MACROD2: variants seen among roughly 807,000 people sequenced by gnomAD.
The protein encoded by MACROD2 is mono-ADP ribosylhydrolase 2.
MACROD2 carries 36 observed loss-of-function variants against 70.4 expected under a neutral mutation model. That is an observed-to-expected ratio of 0.51 (90% CI 0.39 to 0.68). MACROD2 has a LOEUF of 0.68. MACROD2 is among the 30% of genes least tolerant of loss of function. The probability of loss-of-function intolerance (pLI) is 0.00; values close to 1 mark genes in which losing one functional copy is unlikely to be tolerated. For missense variants in MACROD2, 496 were observed against 538.4 expected (o/e 0.92, Z 0.78); for synonymous variants, 172 against 178.8 (o/e 0.96, Z 0.30).
At chr20:14,587,036 A>AT (rs993748823) in intron 4 of MACROD2, among the ~76,000 whole-genome samples, 6 of 151,858 alleles carry the variant, frequency 4.0e-5, no homozygotes, top group Non-Finnish European at 7.4e-5. Flanking sequence ...GAGAAACTAG[A>AT]TTTTTTATAA....
chr20:14,181,075 T>TC (rs1158465253), intron 3 of MACROD2, among the ~76,000 whole-genome samples: 1 of 151,772 alleles, frequency 6.6e-6, no homozygotes, highest in African/African-American at 2.4e-5. Context: ...TACATTTTTT[T>TC]TTTTTTTTTA....
At chr20:14,243,198 T>C (rs1804909443) in intron 3 of MACROD2, among the ~76,000 whole-genome samples, 1 of 152,226 alleles carries the variant, frequency 6.6e-6, no homozygotes, top group African/African-American at 2.4e-5. Flanking sequence ...CTGAATCTAT[T>C]GAGATAAAAT....
At chr20:14,492,015 C>A (rs1480381383) in intron 3 of MACROD2, among the ~76,000 whole-genome samples, 1 of 152,126 alleles carries the variant, frequency 6.6e-6, no homozygotes, top group African/African-American at 2.4e-5. Flanking sequence ...CATGAAATTT[C>A]TCTTTTCCAC....
intron 5 of MACROD2, among the ~76,000 whole-genome samples, chr20:14,701,686 T>A (rs991053688): frequency 5.3e-5 from 8 of 152,166 alleles, no homozygotes; most frequent in Admixed American, 5.2e-4. Context: ...AATTTTCCCT[T>A]CGTATAATTA....
intron 3 of MACROD2, among the ~76,000 whole-genome samples, chr20:14,180,596 G>T (rs1159783003): frequency 6.6e-6 from 1 of 151,958 alleles, no homozygotes; most frequent in Non-Finnish European, 1.5e-5. Flanking sequence ...TTTCTTTTCA[G>T]TCTAAGAGTA....
intron 5 of MACROD2, among the ~76,000 whole-genome samples, chr20:15,051,734 C>G (rs905165894): frequency 6.6e-6 from 1 of 150,950 alleles, no homozygotes; most frequent in Admixed American, 6.6e-5. Flanking sequence ...ACACATACAA[C>G]TAGCCATTAT....
At chr20:14,885,984 A>G (rs2073670419) in intron 5 of MACROD2, among the ~76,000 whole-genome samples, 1 of 152,204 alleles carries the variant, frequency 6.6e-6, no homozygotes, top group Admixed American at 6.6e-5. Flanking sequence ...GCCTTTTGTC[A>G]TGGGATTTAT....
intron 2 of MACROD2, among the ~76,000 whole-genome samples, chr20:14,023,232 G>A (rs554554692): frequency 1.3e-5 from 2 of 152,164 alleles, no homozygotes; most frequent in African/African-American, 2.4e-5. Context: ...CATATCCTTC[G>A]CCCTTTTTGA....
At chr20:15,246,015 A>C (rs980973849) in intron 6 of MACROD2, among the ~76,000 whole-genome samples, 1 of 152,218 alleles carries the variant, frequency 6.6e-6, no homozygotes, top group Admixed American at 6.5e-5. Flanking sequence ...ACTCATATGC[A>C]ATGGCATGAG....
At chr20:14,777,834 A>G (rs752971488) in intron 5 of MACROD2, among the ~76,000 whole-genome samples, 1 of 152,118 alleles carries the variant, frequency 6.6e-6, no homozygotes, top group Non-Finnish European at 1.5e-5. Flanking sequence ...TCAACTTATC[A>G]GGTGGCCTTC....
intron 12 of MACROD2, among the ~76,000 whole-genome samples, chr20:15,967,329 C>A (rs950792077): frequency 2.0e-5 from 3 of 152,162 alleles, no homozygotes. Context: ...AAAGACATCC[C>A]AGCTAGCTAC....
chr20:15,398,366 C>T (rs1355455116), intron 6 of MACROD2, among the ~76,000 whole-genome samples: 1 of 152,154 alleles, frequency 6.6e-6, no homozygotes, highest in Non-Finnish European at 1.5e-5. Context: ...AGTAGTTTAG[C>T]TGGAATTTGA....
At chr20:14,680,967 C>T (rs2123585950) in intron 4 of MACROD2, among the ~76,000 whole-genome samples, 1 of 152,062 alleles carries the variant, frequency 6.6e-6, no homozygotes, top group Non-Finnish European at 1.5e-5. Flanking sequence ...AAAAAGACAA[C>T]AAAAATTAGC....
At chr20:15,894,075 C>G in intron 10 of MACROD2, 1 of 389,270 alleles carries the variant, frequency 2.6e-6, no homozygotes, top group Non-Finnish European at 5.1e-6. Context: ...GAACATGATG[C>G]CACAGGGGTT....
intron 15 of MACROD2, among the ~76,000 whole-genome samples, chr20:15,991,578 G>T (rs1320273016): frequency 1.3e-5 from 2 of 152,152 alleles, no homozygotes; most frequent in East Asian, 1.9e-4. Flanking sequence ...AAGAATCATT[G>T]CTCAGGCATA....
At chr20:15,337,839 A>G (rs2078065751) in intron 6 of MACROD2, among the ~76,000 whole-genome samples, 1 of 151,714 alleles carries the variant, frequency 6.6e-6, no homozygotes, top group Non-Finnish European at 1.5e-5. Flanking sequence ...ATGATTGGTT[A>G]TATCATTTTT....
intron 3 of MACROD2, among the ~76,000 whole-genome samples, chr20:14,186,326 A>G (rs893485009): frequency 1.3e-5 from 2 of 152,180 alleles, no homozygotes; most frequent in African/African-American, 4.8e-5. Flanking sequence ...AAGAAGACAT[A>G]CATGTGGCCA....
At chr20:15,375,898 A>T (rs2045556025) in intron 6 of MACROD2, among the ~76,000 whole-genome samples, 1 of 152,128 alleles carries the variant, frequency 6.6e-6, no homozygotes, top group African/African-American at 2.4e-5. Context: ...ATTCAAAACC[A>T]GGTCTGTCTT....
chr20:14,765,079 C>T (rs1485842887), intron 5 of MACROD2, among the ~76,000 whole-genome samples: 2 of 152,116 alleles, frequency 1.3e-5, no homozygotes, highest in African/African-American at 4.8e-5. Flanking sequence ...AGCAGTGCCT[C>T]CTGCCCTCTT....
Sources: allele counts gnomAD v4.1 joint callset (sites outside exome capture counted in the v4.1 genomes callset), GRCh38; gene constraint gnomAD v4.1.1; transcripts MANE v1.5; gene names NCBI Gene and HGNC (gene_info 2026-07-23, HGNC 2026-07-21).